The following FAM110B variants were observed in gnomAD, a reference collection of about 807,000 sequenced individuals.
FAM110B encodes the protein family with sequence similarity 110 member B, also known as protein FAM110B.
Under a neutral mutation model 20.4 loss-of-function variants are expected in FAM110B, and 6 were observed. That is an observed-to-expected ratio of 0.29 (90% confidence interval 0.16 to 0.58). FAM110B has a LOEUF of 0.58. Among genes scored for constraint, FAM110B ranks in the 20% least tolerant of loss-of-function variants. The probability of loss-of-function intolerance (pLI) is 0.90; values close to 1 mark genes in which losing one functional copy is unlikely to be tolerated. For missense variants in FAM110B, 434 were observed against 498.2 expected, an observed-to-expected ratio of 0.87 and a Z score of 1.23; for synonymous variants, 226 against 214.1, an observed-to-expected ratio of 1.06 and a Z score of -0.49.
At chr8:58,040,401 T>G (rs1805187890) in intron 2 of FAM110B, among the ~76,000 whole-genome samples, 1 of 152,208 alleles carries the variant, frequency 6.6e-6, no homozygotes, top group South Asian at 2.1e-4. Flanking sequence ...CATATGCGCA[T>G]GGCGGCTGCT....
chr8:58,075,269 T>TGTGTGTGTGTGTGTGTGTGTGTG (rs1554521049), intron 2 of FAM110B, among the ~76,000 whole-genome samples: 29 of 122,356 alleles, frequency 2.4e-4, no homozygotes, highest in African/African-American at 1.2e-3. Context: ...TTGCTTTTTT[T>TGTGTGTGTGTGTGTGTGTGTGTG]TTTTTTTGTG....
intron 3 of FAM110B, among the ~76,000 whole-genome samples, chr8:58,138,359 G>T (rs1179316881): frequency 6.6e-6 from 1 of 152,218 alleles, no homozygotes; most frequent in African/African-American, 2.4e-5. Context: ...CGGCACATGT[G>T]TGGGCCGAGC....
intron 1 of FAM110B, among the ~76,000 whole-genome samples, chr8:58,006,901 GTATATA>G (rs761091750): frequency 3.5e-4 from 34 of 97,548 alleles, no homozygotes; most frequent in South Asian, 1.1e-3. Context: ...GGCTTAATTG[GTATATA>G]TATATATATA....
intron 2 of FAM110B, among the ~76,000 whole-genome samples, chr8:58,053,501 G>C (rs76509740): frequency 6.6e-6 from 1 of 152,182 alleles, no homozygotes; most frequent in African/African-American, 2.4e-5. Context: ...AGATGCTAAT[G>C]ACATGCAATG....
chr8:58,111,995 G>T (rs1466914840), intron 3 of FAM110B, among the ~76,000 whole-genome samples: 1 of 152,132 alleles, frequency 6.6e-6, no homozygotes, highest in South Asian at 2.1e-4. Flanking sequence ...GTTGTTTTTA[G>T]TACAGTTTAC....
At chr8:58,003,029 G>C (rs1367258182) in intron 1 of FAM110B, among the ~76,000 whole-genome samples, 1 of 152,198 alleles carries the variant, frequency 6.6e-6, no homozygotes, top group African/African-American at 2.4e-5. Flanking sequence ...TTTCAAAATT[G>C]TAGTCAGTCT....
chr8:58,121,143 G>A (rs1035945930), intron 3 of FAM110B, among the ~76,000 whole-genome samples: 9 of 152,172 alleles, frequency 5.9e-5, no homozygotes, highest in Non-Finnish European at 2.9e-5. Context: ...AGGATGAGGC[G>A]CGATGAGCCT....
At chr8:58,036,947 A>AT (rs1231085425) in intron 2 of FAM110B, among the ~76,000 whole-genome samples, 1 of 152,078 alleles carries the variant, frequency 6.6e-6, no homozygotes, top group African/African-American at 2.4e-5. Context: ...ATAAACTTAG[A>AT]TTTTCCCGGA....
chr8:58,070,582 G>A (rs2150590136), intron 2 of FAM110B, among the ~76,000 whole-genome samples: 1 of 152,288 alleles, frequency 6.6e-6, no homozygotes, highest in South Asian at 2.1e-4. Flanking sequence ...AAGGAATAAT[G>A]TTTTTACCTG....
chr8:58,130,957 A>G (rs1803449795), intron 3 of FAM110B, among the ~76,000 whole-genome samples: 1 of 152,086 alleles, frequency 6.6e-6, no homozygotes, highest in Admixed American at 6.5e-5. Flanking sequence ...CAACAGTATC[A>G]CTGTCTTCCT....
intron 2 of FAM110B, among the ~76,000 whole-genome samples, chr8:58,062,420 A>G (rs1805675668): frequency 1.3e-5 from 2 of 152,108 alleles, no homozygotes; most frequent in South Asian, 4.1e-4. Flanking sequence ...TGTTAAACAG[A>G]CTCCATTTGC....
intron 2 of FAM110B, among the ~76,000 whole-genome samples, chr8:58,034,970 C>T (rs7842565): frequency 0.18 from 27,728 of 152,066 alleles, 3,444 homozygotes; most frequent in African/African-American, 0.34. Context: ...GTCATCTCAT[C>T]GTTAGTTTAA....
At chr8:58,046,414 G>A (rs906373550) in intron 2 of FAM110B, among the ~76,000 whole-genome samples, 9 of 152,150 alleles carry the variant, frequency 5.9e-5, no homozygotes, top group African/African-American at 2.2e-4. Context: ...AAAAACTAAG[G>A]CACAGAGCAG....
chr8:58,111,026 A>G (rs1807044376), intron 3 of FAM110B, among the ~76,000 whole-genome samples: 1 of 152,212 alleles, frequency 6.6e-6, no homozygotes, highest in South Asian at 2.1e-4. Context: ...ACTTGATTGA[A>G]TATTGTTTGT....
At chr8:58,046,183 C>T (rs763804055) in intron 2 of FAM110B, among the ~76,000 whole-genome samples, 18 of 152,248 alleles carry the variant, frequency 1.2e-4, no homozygotes, top group Non-Finnish European at 1.8e-4. Flanking sequence ...ATTCATTAAG[C>T]ATGGTGGCCA....
chr8:57,997,613 G>A (rs939382035), intron 1 of FAM110B, among the ~76,000 whole-genome samples: 1 of 152,148 alleles, frequency 6.6e-6, no homozygotes, highest in African/African-American at 2.4e-5. Flanking sequence ...CATTTACTTT[G>A]ATTTGCATCA....
intron 3 of FAM110B, among the ~76,000 whole-genome samples, chr8:58,121,516 A>G (rs1010364606): frequency 5.3e-5 from 8 of 152,346 alleles, no homozygotes; most frequent in Middle Eastern, 3.4e-3. Flanking sequence ...TGAATTGCCC[A>G]GGGACTATGC....
chr8:58,079,722 A>G (rs2150596201), intron 3 of FAM110B, among the ~76,000 whole-genome samples: 1 of 152,272 alleles, frequency 6.6e-6, no homozygotes, highest in African/African-American at 2.4e-5. Flanking sequence ...TTGAGGCTGC[A>G]GTGAGCTACG....
At chr8:58,094,769 G>C (rs545359582) in intron 3 of FAM110B, among the ~76,000 whole-genome samples, 8 of 152,314 alleles carry the variant, frequency 5.3e-5, no homozygotes, top group African/African-American at 1.9e-4. Flanking sequence ...CTCATAAAAT[G>C]AGTTAGGGAG....
Sources: allele counts gnomAD v4.1 joint callset (sites outside exome capture counted in the v4.1 genomes callset), GRCh38; gene constraint gnomAD v4.1.1; transcripts MANE v1.5; gene names NCBI Gene and HGNC (gene_info 2026-07-23, HGNC 2026-07-21).